Variants in NPR3 observed in about 807,000 individuals in gnomAD.
NPR3 encodes natriuretic peptide receptor 3.
A neutral mutation model predicts 54.5 loss-of-function variants in NPR3; 34 were observed. The ratio of observed to expected loss-of-function variants is 0.62; its 90% CI spans 0.47 to 0.83. NPR3 has a LOEUF of 0.83. NPR3 is among the 40% of genes least tolerant of loss of function. The pLI is 0.00. For missense variants in NPR3, 674 were observed against 720.8 expected (o/e 0.94, Z 0.74); for synonymous variants, 289 against 297.1 (o/e 0.97, Z 0.28).
rs1300169762 is a variant in NPR3, at chr5:32,789,582, TTCAAA to T, written c.*3238_*3242del. 2 of 534,764 alleles carry T rather than the reference TTCAAA, an allele frequency of 3.7e-6. No homozygotes were observed. The highest frequency in any genetic ancestry group is 3.9e-5 in the Admixed American group (2 of 51,590). 33.1% of individuals were successfully genotyped at this position (534,764 alleles called of 1,614,324 possible). ...ACCTCCTTTTCTCCTTTCTCTTAAA[TTCAAA>T]GACGTTTGCTTTGGAATGCCCTCAC... On this transcript the variant is annotated 3_prime_UTR_variant, in exon 8 of 8. Coordinates refer to ENST00000265074, the MANE Select transcript of NPR3 (RefSeq NM_001204375.2).
At chr5:32,761,790 T>A (rs1741176297) in intron 3 of NPR3, among the ~76,000 whole-genome samples, 2 of 151,882 alleles carry the variant, frequency 1.3e-5, no homozygotes, top group South Asian at 4.2e-4. Flanking sequence ...AACTCAAAAA[T>A]ATAATTTTTT....
intron 3 of NPR3, among the ~76,000 whole-genome samples, chr5:32,739,417 A>G (rs984934873): frequency 2.0e-5 from 3 of 152,058 alleles, no homozygotes; most frequent in African/African-American, 7.2e-5. Context: ...TTGCATGCCT[A>G]ATTTTTTCAA....
chr5:32,725,754 C>T (rs539989407), intron 2 of NPR3, among the ~76,000 whole-genome samples: 1 of 152,222 alleles, frequency 6.6e-6, no homozygotes, highest in South Asian at 2.1e-4. Flanking sequence ...CATGTTACAC[C>T]TATGTTTACA....
chr5:32,729,486 A>G (rs971500514), intron 2 of NPR3, among the ~76,000 whole-genome samples: 4 of 152,228 alleles, frequency 2.6e-5, no homozygotes, highest in African/African-American at 9.6e-5. Context: ...GACTTCGTGT[A>G]CAGTTATGTG....
chr5:32,765,232 A>T (rs1741389293), intron 3 of NPR3, among the ~76,000 whole-genome samples: 1 of 152,188 alleles, frequency 6.6e-6, no homozygotes, highest in Non-Finnish European at 1.5e-5. Flanking sequence ...TGGTAATCTC[A>T]GGTATTCAAG....
At chr5:32,746,199 C>A (rs943485275) in intron 3 of NPR3, among the ~76,000 whole-genome samples, 2 of 152,118 alleles carry the variant, frequency 1.3e-5, no homozygotes, top group Admixed American at 6.5e-5. Context: ...GTAAGAGGTA[C>A]CTTTCAAATT....
chr5:32,712,688 C>A, intron 1 of NPR3, 143 bp downstream of exon 1: 1 of 759,322 alleles, frequency 1.3e-6, no homozygotes, highest in Non-Finnish European at 2.1e-6. Flanking sequence ...CAGGTATGCG[C>A]CGTGTGGCTG....
At chr5:32,703,976 T>G (rs1444853525) in intron 1 of NPR3, among the ~76,000 whole-genome samples, 1 of 152,240 alleles carries the variant, frequency 6.6e-6, no homozygotes, top group Non-Finnish European at 1.5e-5. Context: ...CAAGTTTATT[T>G]AGAACCCAAA....
intron 2 of NPR3, among the ~76,000 whole-genome samples, chr5:32,725,966 T>A (rs377287927): frequency 1.3e-5 from 2 of 152,170 alleles, no homozygotes; most frequent in South Asian, 4.1e-4. Flanking sequence ...AGGGTTCCTG[T>A]CATGGAGGGT....
chr5:32,779,732 C>T (rs1742239544), intron 4 of NPR3, among the ~76,000 whole-genome samples: 1 of 152,160 alleles, frequency 6.6e-6, no homozygotes, highest in African/African-American at 2.4e-5. Flanking sequence ...GTGCTGGCTC[C>T]TCCTCTGAGT....
intron 3 of NPR3, among the ~76,000 whole-genome samples, chr5:32,765,332 T>C (rs1741394914): frequency 6.6e-6 from 1 of 152,216 alleles, no homozygotes; most frequent in African/African-American, 2.4e-5. Context: ...AGGGGAATCT[T>C]TCAAATCCTC....
chr5:32,751,752 A>T (rs1398358723), intron 3 of NPR3, among the ~76,000 whole-genome samples: 1 of 152,220 alleles, frequency 6.6e-6, no homozygotes, highest in Non-Finnish European at 1.5e-5. Flanking sequence ...GTTGAGGAGC[A>T]GGTGGTTTAT....
chr5:32,777,171 GAGAC>G (rs1349766172), intron 4 of NPR3, among the ~76,000 whole-genome samples: 1 of 152,230 alleles, frequency 6.6e-6, no homozygotes, highest in Non-Finnish European at 1.5e-5. Context: ...CCACCTGGGT[GAGAC>G]AGAAAGTCAC....
At chr5:32,755,624 C>T (rs752868370) in intron 3 of NPR3, among the ~76,000 whole-genome samples, 3 of 152,236 alleles carry the variant, frequency 2.0e-5, no homozygotes, top group Admixed American at 1.3e-4. Context: ...GAACTAGAGA[C>T]GCATTAGACA....
chr5:32,759,361 G>T (rs1199122130), intron 3 of NPR3, among the ~76,000 whole-genome samples: 1 of 152,016 alleles, frequency 6.6e-6, no homozygotes, highest in Non-Finnish European at 1.5e-5. Context: ...TTATGTAATG[G>T]CCTTTTTTTT....
Position 32,789,392 on chromosome 5 carries a change from C to A in NPR3, c.*3047C>A. The A allele has an allele frequency of 2.0e-6, 1 of 505,208 alleles. No individual in the cohort carries two copies. Among genetic ancestry groups the A allele is most frequent in the Non-Finnish European group, 4.0e-6 (1 of 248,062 alleles). 31.3% of individuals were successfully genotyped at this position (505,208 alleles called of 1,614,324 possible). On this transcript the variant is annotated 3_prime_UTR_variant, in exon 8 of 8. Transcript: ENST00000265074. The stretch of plus-strand genomic sequence containing the variant: ...AGTCCATCTCTCCCTCAAGACTGAC[C>A]ACAGGTTTCATGAGAAGGTCCCTGA...
upstream of NPR3, among the ~76,000 whole-genome samples, chr5:32,710,936 GCA>G (rs1448479383): frequency 6.7e-5 from 10 of 148,156 alleles, no homozygotes; most frequent in East Asian, 2.0e-3. Context: ...GTGCGCGCGC[GCA>G]TTTCTCTACT....
chr5:32,749,233 GC>G (rs997091100), intron 3 of NPR3, among the ~76,000 whole-genome samples: 5 of 152,038 alleles, frequency 3.3e-5, no homozygotes, highest in Non-Finnish European at 7.4e-5. Context: ...AAAAAAAGGT[GC>G]TTCTTACAAT....
chr5:32,768,712 G>A (rs1398775458), intron 3 of NPR3, among the ~76,000 whole-genome samples: 1 of 152,200 alleles, frequency 6.6e-6, no homozygotes, highest in East Asian at 1.9e-4. Context: ...AAAACAGTCT[G>A]CAGGCAGCCA....
Sources: gnomAD v4.1 joint callset for allele counts (sites outside exome capture counted in the v4.1 genomes callset) on GRCh38, gnomAD v4.1.1 for gene constraint, MANE v1.5 for transcripts, NCBI Gene and HGNC (gene_info 2026-07-23, HGNC 2026-07-21) for gene names.